The following DISC1 variants were observed in gnomAD, a reference collection of about 807,000 sequenced individuals.
DISC1 encodes DISC1 scaffold protein.
Under a neutral mutation model 84.5 loss-of-function variants are expected in DISC1, and 57 were observed. That is an observed-to-expected ratio of 0.67 (90% confidence interval 0.55 to 0.84). The LOEUF (loss-of-function observed/expected upper bound fraction) is 0.84, where lower values mean the gene tolerates loss of function less well. Ranked by LOEUF, DISC1 falls within the 40% of genes least tolerant of loss-of-function variation. DISC1 has a pLI of 0.00. For synonymous variants in DISC1, 411 were observed against 415.2 expected, an observed-to-expected ratio of 0.99 and a Z score of 0.12; for missense variants, 1,000 against 1,057.8, an observed-to-expected ratio of 0.95 and a Z score of 0.76.
chr1:231,640,528 A>ACT (rs749556098), intron 1 of DISC1, among the ~76,000 whole-genome samples: 67 of 133,324 alleles, frequency 5.0e-4, no homozygotes, highest in African/African-American at 1.6e-3. Context: ...CCTCCTTGGT[A>ACT]TTTTTTTTTT....
intron 6 of DISC1, among the ~76,000 whole-genome samples, chr1:231,791,556 A>G (rs1175427816): frequency 6.6e-6 from 1 of 152,220 alleles, no homozygotes; most frequent in African/African-American, 2.4e-5. Flanking sequence ...GTTGGATTCT[A>G]TTATTTCCAG....
At position 231,626,909 on chromosome 1, in the gene DISC1, C is replaced by A; in HGVS notation, c.42C>A (p.Gly14=). The A allele has an allele frequency of 2.7e-6, 4 of 1,502,288 alleles. No homozygotes were observed. Among genetic ancestry groups the A allele is most frequent in the South Asian group, 1.2e-5 (1 of 81,118 alleles). 93.1% of individuals were successfully genotyped at this position (1,502,288 alleles called of 1,614,324 possible). Reference sequence around the variant, plus strand: ...CTCAGGGCGCCCCAGCCGCCGCCGGCGGCGGCGGCGTGAGCCACCGCGCAG... The same window carrying A: ...CTCAGGGCGCCCCAGCCGCCGCCGGAGGCGGCGGCGTGAGCCACCGCGCAG... The part of the protein sequence containing the change: ...GGPQGAPAAA[G]GGGVSHRAGS... Residue 14 remains glycine, a synonymous_variant, in exon 1 of 13, where the codon GGC becomes GGA. Coordinates refer to ENST00000439617, the MANE Select transcript of DISC1 (RefSeq NM_018662.3).
chr1:231,701,013 T>A (rs966306594), intron 2 of DISC1, among the ~76,000 whole-genome samples: 2 of 152,140 alleles, frequency 1.3e-5, no homozygotes, highest in Non-Finnish European at 2.9e-5. Flanking sequence ...ATTGTATTAG[T>A]CAGTTCTCAT....
chr1:231,845,696 A>G (rs928660282), intron 9 of DISC1, among the ~76,000 whole-genome samples: 9 of 152,082 alleles, frequency 5.9e-5, no homozygotes, highest in Non-Finnish European at 1.2e-4. Flanking sequence ...AGGTGAGTGA[A>G]GTGATGGATG....
In DISC1 at chr1:231,767,285, A is replaced by G; in HGVS notation, c.1398+16A>G. The G allele has an allele frequency of 1.2e-6, 2 of 1,614,090 alleles. No homozygotes were observed. The highest frequency in any genetic ancestry group is 1.7e-6 in the Non-Finnish European group (2 of 1,180,010). On this transcript the variant is annotated intron_variant, in intron 5 of 12. Transcript: ENST00000439617. The stretch of plus-strand genomic sequence containing the variant: ...GCAGCTACAGGTGAGCAGGTGAAAG[A>G]TCTTCAAGAAATATGATGGCATTTT...
At chr1:231,880,229 T>C (rs2086194641) in intron 9 of DISC1, among the ~76,000 whole-genome samples, 1 of 152,236 alleles carries the variant, frequency 6.6e-6, no homozygotes, top group Admixed American at 6.5e-5. Context: ...CTTGAGACTC[T>C]ACAGTGTCCC....
intron 10 of DISC1, among the ~76,000 whole-genome samples, chr1:231,997,332 T>C (rs1666085084): frequency 6.6e-6 from 1 of 152,204 alleles, no homozygotes; most frequent in Non-Finnish European, 1.5e-5. Flanking sequence ...GGCTGCTGGC[T>C]CTTTCCTTTG....
intron 3 of DISC1, among the ~76,000 whole-genome samples, chr1:231,712,538 G>A (rs1159388016): frequency 6.6e-6 from 1 of 152,194 alleles, no homozygotes; most frequent in Admixed American, 6.5e-5. Flanking sequence ...TGAAAATGGT[G>A]GGAAACTTTG....
chr1:231,767,328 G>C, intron 5 of DISC1, 59 bp downstream of exon 5: 1 of 1,601,534 alleles, frequency 6.2e-7, no homozygotes, highest in Non-Finnish European at 8.5e-7. Context: ...TTTGAGACAG[G>C]GTCTTGCTCT....
At chr1:231,914,689 T>C (rs185220984) in intron 9 of DISC1, among the ~76,000 whole-genome samples, 50 of 152,326 alleles carry the variant, frequency 3.3e-4, no homozygotes, top group African/African-American at 1.2e-3. Context: ...AGCAAATGCT[T>C]GTCATCTCCA....
intron 4 of DISC1, among the ~76,000 whole-genome samples, chr1:231,753,873 C>CTGGTG (rs2074871298): frequency 1.3e-5 from 2 of 152,168 alleles, no homozygotes; most frequent in African/African-American, 4.8e-5. Flanking sequence ...TACCCTAAAT[C>CTGGTG]ATTAATCTCA....
At chr1:231,844,695 C>G (rs954101161) in intron 9 of DISC1, among the ~76,000 whole-genome samples, 1 of 151,896 alleles carries the variant, frequency 6.6e-6, no homozygotes, top group East Asian at 1.9e-4. Flanking sequence ...GGGAGGCCGA[C>G]GGGGGTGGAT....
chr1:231,884,678 C>T (rs2086556071), intron 9 of DISC1, among the ~76,000 whole-genome samples: 1 of 152,060 alleles, frequency 6.6e-6, no homozygotes, highest in African/African-American at 2.4e-5. Flanking sequence ...TGAAAAACCA[C>T]CCATTGGGCA....
intron 3 of DISC1, chr1:231,720,911 A>G (rs1415748401): frequency 7.7e-7 from 1 of 1,290,966 alleles, no homozygotes; most frequent in South Asian, 1.2e-5. Context: ...CATTGACTGC[A>G]TTAATAACCA....
intron 9 of DISC1, among the ~76,000 whole-genome samples, chr1:231,843,477 C>G (rs1210491614): frequency 6.6e-6 from 1 of 152,182 alleles, no homozygotes; most frequent in South Asian, 2.1e-4. Context: ...AAAGGCCACA[C>G]TGGGTCCAGC....
chr1:232,010,589 G>A (rs1429207131), intron 11 of DISC1, among the ~76,000 whole-genome samples: 3 of 152,138 alleles, frequency 2.0e-5, no homozygotes, highest in African/African-American at 7.2e-5. Context: ...CTCAGCTGAG[G>A]CACCTATACA....
intron 9 of DISC1, among the ~76,000 whole-genome samples, chr1:231,904,690 A>G (rs1016897553): frequency 1.3e-5 from 2 of 152,104 alleles, no homozygotes; most frequent in African/African-American, 4.8e-5. Context: ...CTAGAATCCA[A>G]TTCTTGGCTT....
At chr1:231,907,510 C>A (rs1343742255) in intron 9 of DISC1, among the ~76,000 whole-genome samples, 1 of 152,124 alleles carries the variant, frequency 6.6e-6, no homozygotes, top group Non-Finnish European at 1.5e-5. Context: ...CTGAACTTAT[C>A]CTTTTTTATG....
At chr1:231,794,066 G>A (rs552567690) in intron 6 of DISC1, among the ~76,000 whole-genome samples, 2 of 152,280 alleles carry the variant, frequency 1.3e-5, no homozygotes, top group South Asian at 2.1e-4. Flanking sequence ...TTACAGGCGT[G>A]AGCCACCACG....
Sources: gnomAD v4.1 joint callset for allele counts (sites outside exome capture counted in the v4.1 genomes callset) on GRCh38, gnomAD v4.1.1 for gene constraint, MANE v1.5 for transcripts, NCBI Gene and HGNC (gene_info 2026-07-23, HGNC 2026-07-21) for gene names.